Variants in QRICH1 observed in about 807,000 individuals in gnomAD.
QRICH1 encodes the protein glutamine rich 1, also known as transcriptional regulator QRICH1.
A neutral mutation model predicts 87.1 loss-of-function variants in QRICH1; 16 were observed. That is an observed-to-expected ratio of 0.18 (90% CI 0.12 to 0.28). QRICH1 has a LOEUF of 0.28. Ranked by LOEUF, QRICH1 falls within the 10% of genes least tolerant of loss-of-function variation. QRICH1 has a pLI of 1.00. For missense variants in QRICH1, 647 were observed against 951.7 expected, an observed-to-expected ratio of 0.68 and a Z score of 4.21; for synonymous variants, 367 against 368.4, an observed-to-expected ratio of 1.00 and a Z score of 0.05.
At chr3:49,082,261 A>G (rs1409550396) in intron 1 of QRICH1, among the ~76,000 whole-genome samples, 1 of 152,164 alleles carries the variant, frequency 6.6e-6, no homozygotes, top group Non-Finnish European at 1.5e-5. Flanking sequence ...TTTGACAAAC[A>G]TTTAGCTAAG....
At chr3:49,045,349 A>AAAAAT (rs2093333254) in intron 5 of QRICH1, among the ~76,000 whole-genome samples, 2 of 142,710 alleles carry the variant, frequency 1.4e-5, no homozygotes, top group African/African-American at 5.1e-5. Context: ...AAAAAAAAAA[A>AAAAAT]GTCAAGGTAA....
chr3:49,078,386 CTTTTTTTT>C (rs60933196), intron 1 of QRICH1, among the ~76,000 whole-genome samples: 15 of 69,848 alleles, frequency 2.1e-4, no homozygotes, highest in East Asian at 1.0e-3. Flanking sequence ...ATTATGGTTC[CTTTTTTTT>C]TTTTTTTTTT....
intron 2 of QRICH1, among the ~76,000 whole-genome samples, chr3:49,071,889 G>T (rs755285378): frequency 1.1e-4 from 16 of 151,968 alleles, no homozygotes; most frequent in Non-Finnish European, 1.8e-4. Flanking sequence ...ACAGGATTTC[G>T]CCATGTTGCC....
At position 49,085,476 on chromosome 3, in the gene QRICH1, C is replaced by T. The variant is rs567281208; in HGVS notation, c.-22+8436G>A. Among the ~76,000 whole-genome samples the T allele has an allele frequency of 8.5e-5, 13 of 152,124 alleles. No homozygotes were observed. The South Asian group carries it at 2.3e-3, about 27-fold the overall frequency. On this transcript the variant is annotated intron_variant, in intron 1 of 9. Coordinates refer to ENST00000395443, the MANE Select transcript of QRICH1 (RefSeq NM_198880.3). Reference sequence around the variant, plus strand: ...AAAATCTGAAAGAAACTAAACCTGCCGAACGAGGTGGCTCATACCTGTAAT... The same window carrying T: ...AAAATCTGAAAGAAACTAAACCTGCTGAACGAGGTGGCTCATACCTGTAAT...
At chr3:49,076,438 C>T (rs760557291) in intron 2 of QRICH1, among the ~76,000 whole-genome samples, 1 of 151,924 alleles carries the variant, frequency 6.6e-6, no homozygotes, top group African/African-American at 2.4e-5. Flanking sequence ...ATAGATGACC[C>T]GCTTCTGGGT....
intron 1 of QRICH1, among the ~76,000 whole-genome samples, chr3:49,078,552 G>A (rs2041997356): frequency 4.0e-5 from 6 of 148,938 alleles, no homozygotes; most frequent in Admixed American, 2.7e-4. Flanking sequence ...CCACCACCAC[G>A]CCCAGCTAAT....
At chr3:49,030,705 A>T in intron 9 of QRICH1, 61 bp from the exon 10 acceptor site, 1 of 1,386,880 alleles carries the variant, frequency 7.2e-7, no homozygotes, top group Non-Finnish European at 9.7e-7. Context: ...TCCCACCCTG[A>T]ACTTCCCAGA....
chr3:49,039,683 G>A (rs2093298514), intron 6 of QRICH1, among the ~76,000 whole-genome samples: 1 of 148,938 alleles, frequency 6.7e-6, no homozygotes, highest in African/African-American at 2.5e-5. Context: ...CAATACAGGA[G>A]AGGGGAAACA....
At chr3:49,050,913 C>T (rs2093366762) in intron 3 of QRICH1, among the ~76,000 whole-genome samples, 2 of 152,142 alleles carry the variant, frequency 1.3e-5, no homozygotes, top group African/African-American at 2.4e-5. Flanking sequence ...CCAAGCCTCC[C>T]TTTACCTAGT....
At chr3:49,075,283 C>T (rs1009773056) in intron 2 of QRICH1, among the ~76,000 whole-genome samples, 4 of 149,334 alleles carry the variant, frequency 2.7e-5, no homozygotes, top group African/African-American at 7.4e-5. Context: ...GAGGAGTGAT[C>T]GTGCCACTGC....
chr3:49,046,276 A>AAC (rs2106862306), intron 5 of QRICH1, 149 bp downstream of exon 5: 2 of 903,640 alleles, frequency 2.2e-6, no homozygotes, highest in East Asian at 5.8e-5. Flanking sequence ...AAAAAAAAAA[A>AAC]AACAACAAAT....
In QRICH1 at chr3:49,030,010, A is replaced by C. The variant is rs1158681699; in HGVS notation, c.*442T>G. ...CATTAAGATGCTAAGTTTATGTCTG[A>C]TCATGAAGAAAGAAAAGAACATCGT... is the stretch of plus-strand genomic sequence containing the variant. On this transcript the variant is annotated 3_prime_UTR_variant, in exon 10 of 10. Coordinates refer to ENST00000395443, the MANE Select transcript of QRICH1 (RefSeq NM_198880.3). 4 of 234,588 alleles carry C rather than the reference A, an allele frequency of 1.7e-5. 1 individual carries two copies. Among genetic ancestry groups the C allele is most frequent in the Non-Finnish European group, 3.3e-5 (4 of 122,030 alleles). The allele number at this position is 234,588 out of a possible 1,614,324, so 14.5% of individuals were successfully genotyped here.
At chr3:49,036,986 C>T (rs556056498) in intron 6 of QRICH1, among the ~76,000 whole-genome samples, 174 of 150,962 alleles carry the variant, frequency 1.2e-3, no homozygotes, top group Non-Finnish European at 2.2e-3. Context: ...ATCGCTTGGG[C>T]CCAGGAGGTT....
At chr3:49,056,131 A>G (rs906451526) in intron 3 of QRICH1, among the ~76,000 whole-genome samples, 4 of 151,956 alleles carry the variant, frequency 2.6e-5, no homozygotes, top group Admixed American at 2.6e-4. Flanking sequence ...ACCTGCCACC[A>G]TGCCCAGCTA....
chr3:49,049,633 G>C (rs990817774), intron 3 of QRICH1, among the ~76,000 whole-genome samples: 15 of 151,786 alleles, frequency 9.9e-5, no homozygotes, highest in South Asian at 6.2e-4. Context: ...GAGTAGCTGG[G>C]ATTACAGGTG....
chr3:49,031,073 GC>G (rs2093235113), intron 9 of QRICH1, among the ~76,000 whole-genome samples: 1 of 143,140 alleles, frequency 7.0e-6, no homozygotes, highest in East Asian at 2.1e-4. Flanking sequence ...TGCAACCTCC[GC>G]CCCCTTGGTT....
chr3:49,036,688 A>G, intron 6 of QRICH1, among the ~76,000 whole-genome samples: 1 of 92,068 alleles, frequency 1.1e-5, no homozygotes, highest in East Asian at 6.2e-4. Flanking sequence ...AAAGAAAAAA[A>G]GAAAAAACAA....
At chr3:49,043,952 C>T (rs2093325538) in intron 6 of QRICH1, among the ~76,000 whole-genome samples, 1 of 152,180 alleles carries the variant, frequency 6.6e-6, no homozygotes, top group Admixed American at 6.5e-5. Flanking sequence ...CCCATCTCAG[C>T]AACATACCAA....
intron 1 of QRICH1, among the ~76,000 whole-genome samples, chr3:49,079,133 G>A (rs1292847449): frequency 6.6e-6 from 1 of 152,066 alleles, no homozygotes; most frequent in Non-Finnish European, 1.5e-5. Flanking sequence ...TACTACGGAG[G>A]CTAAGGTAGA....
Sources: allele counts gnomAD v4.1 joint callset (sites outside exome capture counted in the v4.1 genomes callset), GRCh38; gene constraint gnomAD v4.1.1; transcripts MANE v1.5; gene names NCBI Gene and HGNC (gene_info 2026-07-23, HGNC 2026-07-21).